RUNDC3B: variants seen among roughly 807,000 people sequenced by gnomAD.
RUNDC3B encodes the protein RUN domain-containing protein 3B.
RUNDC3B carries 33 observed loss-of-function variants against 58.4 expected under a neutral mutation model. The ratio of observed to expected loss-of-function variants is 0.56; its 90% CI spans 0.43 to 0.75. The LOEUF (loss-of-function observed/expected upper bound fraction) is 0.75. RUNDC3B is among the 30% of genes least tolerant of loss of function. The pLI, the probability that RUNDC3B is intolerant of heterozygous loss-of-function variation, is 0.00. For synonymous variants in RUNDC3B, 193 were observed against 195.2 expected (o/e 0.99, Z 0.10); for missense variants, 501 against 535.7 (o/e 0.94, Z 0.64).
At chr7:87,649,687 G>T (rs1390736761) in intron 1 of RUNDC3B, among the ~76,000 whole-genome samples, 1 of 152,056 alleles carries the variant, frequency 6.6e-6, no homozygotes, top group Non-Finnish European at 1.5e-5. Flanking sequence ...AAAAATTTTG[G>T]ATGTTGAAAT....
intron 6 of RUNDC3B, among the ~76,000 whole-genome samples, chr7:87,768,757 C>A (rs901192201): frequency 6.6e-6 from 1 of 152,144 alleles, no homozygotes; most frequent in Non-Finnish European, 1.5e-5. Context: ...TGCCTCCCAG[C>A]TGTTTCCTGC....
intron 2 of RUNDC3B, among the ~76,000 whole-genome samples, chr7:87,694,891 G>A (rs1828365792): frequency 6.6e-6 from 1 of 152,090 alleles, no homozygotes; most frequent in South Asian, 2.1e-4. Context: ...GGAAAATTAA[G>A]AGTTGACTAA....
intron 8 of RUNDC3B, among the ~76,000 whole-genome samples, chr7:87,788,720 T>TC (rs1835362108): frequency 7.1e-6 from 1 of 140,770 alleles, no homozygotes; most frequent in Non-Finnish European, 1.5e-5. Context: ...TTTTTTTTTT[T>TC]CTTTTCTTTT....
At chr7:87,797,491 G>C (rs940290861) in intron 8 of RUNDC3B, among the ~76,000 whole-genome samples, 3 of 152,148 alleles carry the variant, frequency 2.0e-5, no homozygotes, top group African/African-American at 7.2e-5. Flanking sequence ...GGATTCAGGT[G>C]GTGGCAGCCT....
At chr7:87,720,007 GAGAA>G (rs1216625266) in intron 4 of RUNDC3B, among the ~76,000 whole-genome samples, 12 of 127,216 alleles carry the variant, frequency 9.4e-5, no homozygotes, top group Admixed American at 4.6e-4. Context: ...AAAAAAAAAA[GAGAA>G]AGAAAAACTT....
At chr7:87,733,584 G>T (rs1026389134) in intron 4 of RUNDC3B, among the ~76,000 whole-genome samples, 2 of 152,148 alleles carry the variant, frequency 1.3e-5, no homozygotes, top group African/African-American at 4.8e-5. Flanking sequence ...CAACCTTTTT[G>T]GCAACAGGGA....
intron 4 of RUNDC3B, chr7:87,713,146 G>A (rs1368208720): frequency 1.3e-5 from 2 of 152,114 alleles, no homozygotes; most frequent in African/African-American, 4.8e-5. Context: ...ATTAGAAAGA[G>A]TATTTGTACC....
rs1584133788 is a variant in RUNDC3B at position 87,761,585 on chromosome 7, G to C, written c.630-8996G>C. Among the ~76,000 whole-genome samples, 2 of 151,818 alleles carry C rather than the reference G, an allele frequency of 1.3e-5. 1 individual carries two copies. The highest frequency in any genetic ancestry group is 3.9e-4 in the East Asian group (2 of 5,194). Reference sequence around the variant, plus strand: ...ACACAATGCAAGTGTTCACCAGTTGGTGAATAAATTTAAAATGTGATGTAT... The same window carrying C: ...ACACAATGCAAGTGTTCACCAGTTGCTGAATAAATTTAAAATGTGATGTAT... On this transcript the variant is annotated intron_variant, in intron 6 of 10. Transcript: ENST00000394654.
intron 6 of RUNDC3B, among the ~76,000 whole-genome samples, chr7:87,762,375 T>A (rs1052096717): frequency 1.3e-5 from 2 of 151,462 alleles, no homozygotes; most frequent in African/African-American, 2.4e-5. Flanking sequence ...AAATGCTTTG[T>A]TTACAGTTTT....
intron 2 of RUNDC3B, among the ~76,000 whole-genome samples, chr7:87,676,376 G>A (rs1302801997): frequency 3.3e-5 from 5 of 151,464 alleles, no homozygotes; most frequent in East Asian, 2.0e-4. Flanking sequence ...AAACTCAGTA[G>A]AAAACAACAA....
intron 6 of RUNDC3B, among the ~76,000 whole-genome samples, chr7:87,758,779 T>C (rs979995805): frequency 6.6e-6 from 1 of 152,140 alleles, no homozygotes; most frequent in African/African-American, 2.4e-5. Flanking sequence ...TACAATGAGA[T>C]ATCATCTCAC....
chr7:87,750,282 T>G (rs1283407954), intron 6 of RUNDC3B, among the ~76,000 whole-genome samples: 4 of 152,058 alleles, frequency 2.6e-5, no homozygotes, highest in Non-Finnish European at 5.9e-5. Context: ...CTATCATTGT[T>G]GGACATTTGG....
At chr7:87,721,100 T>TA (rs1830863139) in intron 4 of RUNDC3B, among the ~76,000 whole-genome samples, 1 of 150,894 alleles carries the variant, frequency 6.6e-6, no homozygotes, top group South Asian at 2.1e-4. Context: ...TATGTAACTG[T>TA]AAAAAAAGAA....
chr7:87,768,892 G>T (rs1186699327), intron 6 of RUNDC3B, among the ~76,000 whole-genome samples: 1 of 151,752 alleles, frequency 6.6e-6, no homozygotes, highest in Non-Finnish European at 1.5e-5. Context: ...AGCCATCTTG[G>T]GAAAAAGTTG....
intron 4 of RUNDC3B, among the ~76,000 whole-genome samples, chr7:87,717,663 C>T (rs917510179): frequency 3.3e-5 from 5 of 151,974 alleles, no homozygotes; most frequent in African/African-American, 1.2e-4. Context: ...AAGCTAATTT[C>T]TCTATCAGGA....
intron 10 of RUNDC3B, among the ~76,000 whole-genome samples, chr7:87,817,521 C>T (rs1837121529): frequency 6.6e-6 from 1 of 152,184 alleles, no homozygotes; most frequent in African/African-American, 2.4e-5. Context: ...CCATAGCAAA[C>T]TGACCTAGCT....
chr7:87,672,432 GTGGC>G (rs1443331224), intron 2 of RUNDC3B, among the ~76,000 whole-genome samples: 1 of 152,178 alleles, frequency 6.6e-6, no homozygotes, highest in Non-Finnish European at 1.5e-5. Context: ...GCTGCTACCG[GTGGC>G]TGGGTAGAAT....
rs999115702 is a variant in RUNDC3B at position 87,741,678 on chromosome 7, G to A, written c.629+99G>A. On this transcript the variant is annotated intron_variant, in intron 6 of 10. Coordinates refer to ENST00000394654, the MANE Select transcript of RUNDC3B (RefSeq NM_001134405.2). ...CAAAACTACTTTGTACTAAATATTC[G>A]TTCCAATATCAGAAATCATTAAAGG... 230 of 645,416 alleles carry A rather than the reference G, an allele frequency of 3.6e-4. 1 individual carries two copies. The highest frequency in any genetic ancestry group is 3.6e-4 in the Non-Finnish European group (137 of 379,954). The allele number at this position is 645,416 out of a possible 1,614,324, so 40.0% of individuals were successfully genotyped here.
chr7:87,724,728 A>G (rs923223718), intron 4 of RUNDC3B, among the ~76,000 whole-genome samples: 1 of 152,114 alleles, frequency 6.6e-6, no homozygotes, highest in African/African-American at 2.4e-5. Context: ...TCACTACAGT[A>G]GGACACTTCT....
Sources: gnomAD v4.1 joint callset for allele counts (sites outside exome capture counted in the v4.1 genomes callset) on GRCh38, gnomAD v4.1.1 for gene constraint, MANE v1.5 for transcripts, NCBI Gene and HGNC (gene_info 2026-07-23, HGNC 2026-07-21) for gene names.